Variants in HLCS observed in about 807,000 individuals in gnomAD.
The protein encoded by HLCS is biotin--protein ligase.
In HLCS, 53 loss-of-function variants were observed where a neutral mutation model predicts 75.0. That is an observed-to-expected ratio of 0.71 (90% CI 0.57 to 0.89). The LOEUF is 0.89. HLCS is among the 40% of genes least tolerant of loss of function. The pLI is 0.00. For missense variants in HLCS, 966 were observed against 1,074.0 expected, an observed-to-expected ratio of 0.90 and a Z score of 1.41; for synonymous variants, 431 against 428.6, an observed-to-expected ratio of 1.01 and a Z score of -0.07.
chr21:36,950,081 T>C (rs1892916), intron 2 of HLCS, among the ~76,000 whole-genome samples: 95,395 of 151,352 alleles, frequency 0.63, 30,634 homozygotes, highest in African/African-American at 0.74. Flanking sequence ...TCTTTTCCCA[T>C]GTGGCCACAA....
intron 6 of HLCS, among the ~76,000 whole-genome samples, chr21:36,855,768 G>A (rs111922523): frequency 0.27 from 41,471 of 151,644 alleles, 6,711 homozygotes; most frequent in African/African-American, 0.45. Context: ...TGTAGAGATG[G>A]GGTTTTTCTG....
chr21:36,804,393 C>G (rs2061303646), intron 6 of HLCS: 1 of 152,368 alleles, frequency 6.6e-6, no homozygotes, highest in South Asian at 2.1e-4. Context: ...TACTCATAGG[C>G]TGGGATCCCA....
At chr21:36,811,463 G>C (rs1372563294) in intron 6 of HLCS, among the ~76,000 whole-genome samples, 1 of 152,212 alleles carries the variant, frequency 6.6e-6, no homozygotes, top group African/African-American at 2.4e-5. Context: ...GCTACTCTGT[G>C]CCTCAAGAAC....
intron 6 of HLCS, among the ~76,000 whole-genome samples, chr21:36,854,000 G>A (rs1006203527): frequency 6.6e-5 from 10 of 152,066 alleles, no homozygotes; most frequent in Non-Finnish European, 1.0e-4. Context: ...GGGGAAGAAT[G>A]GAAATATGAG....
Position 36,756,307 on chromosome 21 carries a change from G to A in HLCS, c.2450+235C>T, listed in dbSNP as rs566206357. On this transcript the variant is annotated intron_variant, in intron 10 of 10. Transcript: ENST00000674895. ...CAAAAAATTAGCCGGGTGTGGCGGC[G>A]GGCACCTGTAGTCCCAGCTACTCAG... Among the ~76,000 whole-genome samples the A allele has an allele frequency of 1.4e-3, 216 of 151,914 alleles. 1 individual carries two copies. The highest frequency in any genetic ancestry group is 2.6e-3 in the Non-Finnish European group (177 of 67,954).
intron 2 of HLCS, among the ~76,000 whole-genome samples, chr21:36,951,492 T>A (rs887940311): frequency 6.6e-6 from 1 of 152,172 alleles, no homozygotes; most frequent in African/African-American, 2.4e-5. Context: ...CCCCCCATAA[T>A]CCCTATCCAT....
chr21:36,911,245 C>A (rs924805220), intron 5 of HLCS, among the ~76,000 whole-genome samples: 1 of 152,232 alleles, frequency 6.6e-6, no homozygotes, highest in East Asian at 1.9e-4. Flanking sequence ...CTGCACTCTG[C>A]GCTGCCTCTC....
At chr21:36,949,061 CCA>C (rs2067550513) in intron 2 of HLCS, among the ~76,000 whole-genome samples, 1 of 152,162 alleles carries the variant, frequency 6.6e-6, no homozygotes, top group Non-Finnish European at 1.5e-5. Flanking sequence ...GCATTCACAT[CCA>C]CAGTTACCTC....
intron 1 of HLCS, among the ~76,000 whole-genome samples, chr21:36,981,327 G>T: frequency 6.7e-6 from 1 of 148,426 alleles, no homozygotes; most frequent in African/African-American, 2.5e-5. Context: ...CTTTCCCCAT[G>T]TTACTCCTCC....
chr21:36,782,520 T>A (rs985671540), intron 6 of HLCS, among the ~76,000 whole-genome samples: 1 of 152,104 alleles, frequency 6.6e-6, no homozygotes, highest in Non-Finnish European at 1.5e-5. Flanking sequence ...CCTTAAGAGG[T>A]CTGGACCAGT....
intron 6 of HLCS, among the ~76,000 whole-genome samples, chr21:36,783,175 C>G (rs965675110): frequency 6.6e-6 from 1 of 152,114 alleles, no homozygotes; most frequent in Non-Finnish European, 1.5e-5. Context: ...CAGAGCTAGG[C>G]TCTCAAACAA....
chr21:36,781,634 CT>C (rs1405484929), intron 6 of HLCS, among the ~76,000 whole-genome samples: 2 of 152,066 alleles, frequency 1.3e-5, no homozygotes, highest in Non-Finnish European at 2.9e-5. Flanking sequence ...ATCACTGATT[CT>C]TTAAGGTTTC....
chr21:36,978,670 G>T (rs913515976), intron 1 of HLCS, among the ~76,000 whole-genome samples: 4 of 152,182 alleles, frequency 2.6e-5, no homozygotes, highest in African/African-American at 9.7e-5. Flanking sequence ...ACTAGCTGGG[G>T]CAGAGAAGAG....
At chr21:36,803,463 T>C (rs757005732) in intron 6 of HLCS, among the ~76,000 whole-genome samples, 4 of 152,238 alleles carry the variant, frequency 2.6e-5, no homozygotes, top group Admixed American at 6.5e-5. Flanking sequence ...CAGGGCGACC[T>C]TGTGTGCAGA....
chr21:36,830,128 G>T (rs1298437055), intron 6 of HLCS, among the ~76,000 whole-genome samples: 1 of 152,156 alleles, frequency 6.6e-6, no homozygotes, highest in Non-Finnish European at 1.5e-5. Flanking sequence ...GAGGTGACAG[G>T]AACACACAGG....
chr21:36,875,538 T>C (rs1334857382), intron 6 of HLCS, among the ~76,000 whole-genome samples: 1 of 152,102 alleles, frequency 6.6e-6, no homozygotes, highest in Non-Finnish European at 1.5e-5. Context: ...CAGACAGATG[T>C]TGGGATAACA....
chr21:36,983,769 A>G (rs1336895855), intron 1 of HLCS, among the ~76,000 whole-genome samples: 5 of 151,814 alleles, frequency 3.3e-5, no homozygotes, highest in African/African-American at 4.8e-5. Flanking sequence ...CCCGGGAGGC[A>G]GAGCTTGCAG....
At chr21:36,943,817 TA>T (rs5843782) in intron 2 of HLCS, 79,904 of 141,816 alleles carry the variant, frequency 0.56, 21,954 homozygotes, top group East Asian at 0.64. Flanking sequence ...AGACCCTGTC[TA>T]AAAAAAAAAA....
chr21:36,861,176 G>A (rs1569112993), intron 6 of HLCS, among the ~76,000 whole-genome samples: 1 of 151,994 alleles, frequency 6.6e-6, no homozygotes, highest in Non-Finnish European at 1.5e-5. Flanking sequence ...TTTAGCACAG[G>A]CGGTGTCTCT....
Sources: gnomAD v4.1 joint callset for allele counts (sites outside exome capture counted in the v4.1 genomes callset) on GRCh38, gnomAD v4.1.1 for gene constraint, MANE v1.5 for transcripts, NCBI Gene and HGNC (gene_info 2026-07-23, HGNC 2026-07-21) for gene names.